KMT2C: variants seen among roughly 807,000 people sequenced by gnomAD.
The protein encoded by KMT2C is lysine methyltransferase 2C, also known as histone-lysine N-methyltransferase 2C.
KMT2C carries 88 observed loss-of-function variants against 507.9 expected under a neutral mutation model. The observed-to-expected ratio is 0.17, with a 90% CI of 0.15 to 0.21. KMT2C has a LOEUF of 0.21. KMT2C is among the 10% of genes least tolerant of loss of function. The pLI, the probability that KMT2C is intolerant of heterozygous loss-of-function variation, is 1.00. For missense variants in KMT2C, 4,954 were observed against 5,957.8 expected (o/e 0.83, Z 5.55); for synonymous variants, 2,049 against 2,080.8 (o/e 0.98, Z 0.42).
chr7:152,152,023 G>T (rs1032218364), intron 49 of KMT2C, among the ~76,000 whole-genome samples: 1 of 152,190 alleles, frequency 6.6e-6, no homozygotes, highest in African/African-American at 2.4e-5. Context: ...CAAGGCCAAG[G>T]ATAAGAAGGT....
intron 55 of KMT2C, among the ~76,000 whole-genome samples, chr7:152,143,197 G>A (rs967693914): frequency 6.6e-6 from 1 of 152,210 alleles, no homozygotes; most frequent in Non-Finnish European, 1.5e-5. Context: ...CACAGAATCC[G>A]AGAGAGGCTC....
intron 44 of KMT2C, chr7:152,157,705 A>AT: frequency 9.4e-7 from 1 of 1,066,226 alleles, no homozygotes; most frequent in Non-Finnish European, 1.2e-6. Flanking sequence ...AGCTCTATCA[A>AT]TTCTGACATG....
At chr7:152,369,695 C>G (rs1261218997) in intron 1 of KMT2C, among the ~76,000 whole-genome samples, 1 of 152,168 alleles carries the variant, frequency 6.6e-6, no homozygotes, top group East Asian at 1.9e-4. Context: ...CCTCTCTTTG[C>G]AAACATGTGC....
chr7:152,315,041 C>T (rs2129202265), intron 4 of KMT2C, 97 bp downstream of exon 4: 1 of 1,055,834 alleles, frequency 9.5e-7, no homozygotes, highest in East Asian at 2.5e-5. Flanking sequence ...AACTGTTCAA[C>T]AAGAACAATC....
Position 152,161,197 on chromosome 7 carries a change from C to A in KMT2C, c.11460+920G>T, listed in dbSNP as rs192313054. ...ACCAGTAAAATTTACAAAAATTACA[C>A]AAATCTATCAAGTCAACACTCAATC... On this transcript the variant is annotated intron_variant, in intron 43 of 58. Transcript: ENST00000262189. Among the ~76,000 whole-genome samples, 178 of 152,172 alleles carry A rather than the reference C, an allele frequency of 1.2e-3. 1 individual carries two copies. The highest frequency in any genetic ancestry group is 1.9e-3 in the Admixed American group (29 of 15,288).
intron 9 of KMT2C, among the ~76,000 whole-genome samples, chr7:152,262,370 C>T (rs887658500): frequency 1.1e-4 from 16 of 152,192 alleles, no homozygotes; most frequent in African/African-American, 3.1e-4. Context: ...ACCAGCAGCC[C>T]AGGAAGACTA....
intron 8 of KMT2C, among the ~76,000 whole-genome samples, chr7:152,263,480 T>A (rs1232972313): frequency 6.6e-6 from 1 of 152,180 alleles, no homozygotes; most frequent in Admixed American, 6.5e-5. Flanking sequence ...AAGGAACAAA[T>A]CTTGGCACAG....
At chr7:152,192,820 G>T (rs2093843013) in intron 31 of KMT2C, among the ~76,000 whole-genome samples, 2 of 152,148 alleles carry the variant, frequency 1.3e-5, no homozygotes, top group East Asian at 3.9e-4. Context: ...TCAATTCAGG[G>T]TATAGTCATG....
At chr7:152,142,424 C>T (rs1196914318) in intron 55 of KMT2C, among the ~76,000 whole-genome samples, 2 of 152,098 alleles carry the variant, frequency 1.3e-5, no homozygotes, top group African/African-American at 4.8e-5. Context: ...ATTTATCAGA[C>T]CAACTAAACA....
intron 2 of KMT2C, among the ~76,000 whole-genome samples, chr7:152,333,142 G>A (rs994038538): frequency 2.6e-5 from 4 of 151,934 alleles, no homozygotes; most frequent in Admixed American, 6.6e-5. Flanking sequence ...TACTCCTGGG[G>A]TTGGGTGGTT....
rs1587947274 is a variant in KMT2C, at chr7:152,176,809, T to G, written c.8644A>C (p.Thr2882Pro). The G allele has an allele frequency of 6.2e-7, 1 of 1,614,226 alleles. No individual in the cohort carries two copies. Among genetic ancestry groups the G allele is most frequent in the African/African-American group, 1.3e-5 (1 of 75,054 alleles). Residue 2882 changes from threonine to proline, a missense_variant, in exon 38 of 59, where the codon ACC becomes CCC. Thr to Pro is a conservative substitution (Grantham distance 38, BLOSUM62 -1). Transcript: ENST00000262189. Reference protein sequence around the residue: ...PCDPDLFEKRTNRETAGPSAN... With the variant: ...PCDPDLFEKRPNRETAGPSAN... ...CTGGGGCCAGCAGTTTCTCGATTGG[T>G]TCTTTTCTCAAATAGATCTGGATCA...
At chr7:152,319,578 T>A (rs1352995763) in intron 3 of KMT2C, among the ~76,000 whole-genome samples, 1 of 151,794 alleles carries the variant, frequency 6.6e-6, no homozygotes, top group East Asian at 1.9e-4. Flanking sequence ...TCTAAACTCT[T>A]TTAGAGTTTA....
intron 3 of KMT2C, among the ~76,000 whole-genome samples, chr7:152,324,385 T>C (rs1316752560): frequency 6.6e-6 from 1 of 151,840 alleles, no homozygotes; most frequent in East Asian, 1.9e-4. Flanking sequence ...GATTCAATCA[T>C]TCCACTTTGC....
chr7:152,366,435 G>A (rs1413142472), intron 1 of KMT2C, among the ~76,000 whole-genome samples: 3 of 152,078 alleles, frequency 2.0e-5, no homozygotes, highest in Non-Finnish European at 4.4e-5. Context: ...TGACATATGC[G>A]ATACTACAAC....
At chr7:152,344,466 A>T (rs2097032163) in intron 2 of KMT2C, among the ~76,000 whole-genome samples, 1 of 152,216 alleles carries the variant, frequency 6.6e-6, no homozygotes, top group Non-Finnish European at 1.5e-5. Flanking sequence ...TTATTTCTGG[A>T]ATTTCCCATT....
Position 152,288,231 on chromosome 7 carries a change from A to T in KMT2C, c.850-14364T>A, listed in dbSNP as rs1436184281. On this transcript the variant is annotated intron_variant, in intron 6 of 58. Coordinates refer to ENST00000262189, the MANE Select transcript of KMT2C (RefSeq NM_170606.3). Reference sequence around the variant, plus strand: ...CAAGAGAAGAAAATGAACTGATTTAAAAAAAAAAAAAAAAAAAAGTGGCCA... The same window carrying T: ...CAAGAGAAGAAAATGAACTGATTTATAAAAAAAAAAAAAAAAAAGTGGCCA... Among the ~76,000 whole-genome samples the T allele has an allele frequency of 8.3e-3, 945 of 113,812 alleles. 12 individuals are homozygous for T. The highest frequency in any genetic ancestry group is 0.054 in the African/African-American group (907 of 16,776). The allele number at this position is 113,812 out of a possible 152,430, so 74.7% of individuals were successfully genotyped here.
chr7:152,306,773 A>G (rs2096618643), intron 6 of KMT2C, among the ~76,000 whole-genome samples: 1 of 152,172 alleles, frequency 6.6e-6, no homozygotes, highest in South Asian at 2.1e-4. Context: ...GTGTTGTTTT[A>G]TGTTTGAATT....
At chr7:152,186,113 G>A (rs1266785564) in intron 33 of KMT2C, among the ~76,000 whole-genome samples, 3 of 152,050 alleles carry the variant, frequency 2.0e-5, no homozygotes, top group Non-Finnish European at 4.4e-5. Flanking sequence ...GTGTCATGAC[G>A]GTATACAAAA....
chr7:152,194,372 C>T (rs2129129419), intron 29 of KMT2C, 68 bp downstream of exon 29: 1 of 1,510,826 alleles, frequency 6.6e-7, no homozygotes, highest in Non-Finnish European at 9.1e-7. Flanking sequence ...TATAACCATG[C>T]AAAAATCTTT....
Sources: gnomAD v4.1 joint callset for allele counts (sites outside exome capture counted in the v4.1 genomes callset) on GRCh38, gnomAD v4.1.1 for gene constraint, MANE v1.5 for transcripts, NCBI Gene and HGNC (gene_info 2026-07-23, HGNC 2026-07-21) for gene names.